TKT: variants seen among roughly 807,000 people sequenced by gnomAD.
TKT encodes epididymis luminal protein 107.
Under a neutral mutation model 63.9 loss-of-function variants are expected in TKT, and 47 were observed. That is an observed-to-expected ratio of 0.74 (90% CI 0.58 to 0.94). The LOEUF is 0.94. TKT is among the 40% of genes least tolerant of loss of function. TKT has a pLI of 0.00. For synonymous variants in TKT, 338 were observed against 334.1 expected, an observed-to-expected ratio of 1.01 and a Z score of -0.13; for missense variants, 721 against 846.2, an observed-to-expected ratio of 0.85 and a Z score of 1.84.
At chr3:53,255,233 G>T (rs1705934482) in intron 1 of TKT, among the ~76,000 whole-genome samples, 1 of 152,336 alleles carries the variant, frequency 6.6e-6, no homozygotes, top group East Asian at 1.9e-4. Context: ...GGAGACAGGG[G>T]TAGGGGAGCG....
At position 53,235,038 on chromosome 3, in the gene TKT, G is replaced by A. The variant is rs782303983; in HGVS notation, c.574C>T (p.Pro192Ser). ...TCCATCTGGTGCTGCAGTGGGGCCG[G>A]GTCACTCTGGCCCAGGCGATTGATG... ...LDINRLGQSD[P>S]APLQHQMDIY... Residue 192 changes from proline (P) to serine (S), a missense_variant, in exon 5 of 14, where the codon CCG (proline) becomes TCG (serine). Pro to Ser is a moderately conservative substitution (Grantham distance 74). Transcript: ENST00000462138. The A allele has an allele frequency of 1.2e-6, 2 of 1,613,948 alleles. No individual in the cohort carries two copies. The highest frequency in any genetic ancestry group is 1.1e-5 in the South Asian group (1 of 91,066).
At chr3:53,255,793 C>G (rs782006933) in intron 1 of TKT, 43 bp downstream of exon 1, 21 of 1,352,872 alleles carry the variant, frequency 1.6e-5, no homozygotes, top group Middle Eastern at 2.6e-4. Context: ...AGACGCCCCC[C>G]GCCCCGCCCG....
rs1704636121 is a variant in TKT at position 53,229,285 on chromosome 3, G to C, written c.1259C>G (p.Ser420Cys). 6.2e-7 allele frequency: 1 copy of C among 1,613,904 alleles called. No homozygotes were observed. The highest frequency in any genetic ancestry group is 8.5e-7 in the Non-Finnish European group (1 of 1,179,990). The change falls in exon 9 of 14, where the codon TCC (serine) becomes TGC (cysteine). Residue 420 changes from serine (S) to cysteine (C), a missense_variant. Ser to Cys is a moderately radical substitution (Grantham distance 112). Coordinates refer to ENST00000462138, the MANE Select transcript of TKT (RefSeq NM_001064.4). The stretch of plus-strand genomic sequence containing the variant: ...AACACCCTGGCTAAACTCACCGATG[G>C]AAACGCCGCAGTGGGAGCCGCAGAG... ...INLCGSHCGVSIGEDGPSQMA... is the reference protein window; with the variant it reads ...INLCGSHCGVCIGEDGPSQMA...
intron 1 of TKT, among the ~76,000 whole-genome samples, chr3:53,243,065 A>T (rs1389794652): frequency 6.6e-6 from 1 of 152,126 alleles, no homozygotes; most frequent in Non-Finnish European, 1.5e-5. Context: ...GCCTATGGAC[A>T]AGGGCTGAGG....
At chr3:53,249,542 C>T (rs1310386610) in intron 1 of TKT, among the ~76,000 whole-genome samples, 1 of 151,934 alleles carries the variant, frequency 6.6e-6, no homozygotes, top group Non-Finnish European at 1.5e-5. Flanking sequence ...AGATCGCCGC[C>T]CCACTGCACT....
intron 1 of TKT, among the ~76,000 whole-genome samples, chr3:53,248,547 T>C (rs553810796): frequency 1.8e-4 from 28 of 152,230 alleles, no homozygotes; most frequent in African/African-American, 6.7e-4. Context: ...GAAGACTGCT[T>C]GATCCCGGGA....
chr3:53,247,218 ATG>A (rs1705551217), intron 1 of TKT, among the ~76,000 whole-genome samples: 1 of 151,500 alleles, frequency 6.6e-6, no homozygotes, highest in Non-Finnish European at 1.5e-5. Context: ...TTAGTTGGGC[ATG>A]GTGGTGGGTG....
chr3:53,228,155 G>A lies in TKT; in HGVS notation c.1480-6C>T, dbSNP rs1553675994. Reference sequence around the variant, plus strand: ...TCCTTGCTCTTCAGGACCACCTGGGGGTGACACAGAGGGTGAGTAAGGCTC... The same window carrying A: ...TCCTTGCTCTTCAGGACCACCTGGGAGTGACACAGAGGGTGAGTAAGGCTC... On this transcript the variant is annotated splice_region_variant and splice_polypyrimidine_tract_variant and intron_variant, in intron 11 of 13. Coordinates refer to ENST00000462138, the MANE Select transcript of TKT (RefSeq NM_001064.4). 2 of 1,614,096 alleles carry A rather than the reference G, an allele frequency of 1.2e-6. No individual in the cohort carries two copies. The highest frequency in any genetic ancestry group is 2.2e-5 in the East Asian group (1 of 44,870).
Position 53,255,958 on chromosome 3 carries a change from GACCGGGCGCACACGCGGAC to G in TKT, c.-35_-17del. ...AGCTCTCCATGGTGCGGCAGGCGGGGACCGGGCGCACACGCGGACACACAGAGATAGCGGCTGCTCCCGC... is the reference window on the plus strand; with the variant it reads ...AGCTCTCCATGGTGCGGCAGGCGGGGACACAGAGATAGCGGCTGCTCCCGC... On this transcript the variant is annotated 5_prime_UTR_variant, in exon 1 of 14. Transcript: ENST00000462138. 6.7e-7 allele frequency: 1 copy of G among 1,497,942 alleles called. No homozygotes were observed. Among genetic ancestry groups the G allele is most frequent in the Admixed American group, 2.1e-5 (1 of 48,690 alleles). The allele number at this position is 1,497,942 out of a possible 1,614,324, so 92.8% of individuals were successfully genotyped here. A position where few individuals can be genotyped will look rare whatever the true frequency, so the allele number is the denominator to read the frequency against.
chr3:53,251,459 C>T (rs868925735), intron 1 of TKT, among the ~76,000 whole-genome samples: 5 of 152,214 alleles, frequency 3.3e-5, no homozygotes, highest in Non-Finnish European at 7.3e-5. Context: ...AAGCTCTAGC[C>T]ACTGTGGGCG....
intron 4 of TKT, among the ~76,000 whole-genome samples, chr3:53,238,709 G>A (rs758132102): frequency 6.6e-6 from 1 of 152,208 alleles, no homozygotes; most frequent in Non-Finnish European, 1.5e-5. Context: ...CTCCTGTGGT[G>A]CCCTCAGCCT....
intron 1 of TKT, among the ~76,000 whole-genome samples, chr3:53,245,061 T>C (rs1289005254): frequency 6.6e-6 from 1 of 151,790 alleles, no homozygotes; most frequent in Non-Finnish European, 1.5e-5. Flanking sequence ...CCCAGCACTT[T>C]GGGAGGTCAA....
chr3:53,245,012 G>A (rs1575571994), intron 1 of TKT, among the ~76,000 whole-genome samples: 1 of 151,968 alleles, frequency 6.6e-6, no homozygotes, highest in Admixed American at 6.6e-5. Flanking sequence ...GTCTCTTAAA[G>A]CCCCCTCCAG....
intron 4 of TKT, among the ~76,000 whole-genome samples, chr3:53,239,819 C>G (rs984357324): frequency 6.6e-6 from 1 of 152,194 alleles, no homozygotes; most frequent in Non-Finnish European, 1.5e-5. Flanking sequence ...CTCCCCTTTA[C>G]CAAGATAAAG....
chr3:53,228,570 G>A (rs1230625912), intron 10 of TKT: 18 of 576,266 alleles, frequency 3.1e-5, no homozygotes, highest in Middle Eastern at 4.9e-4. Context: ...GCCTCAGACC[G>A]AAGGCAACTT....
chr3:53,231,699 G>T, intron 6 of TKT, 149 bp from the exon 7 acceptor site: 1 of 782,630 alleles, frequency 1.3e-6, no homozygotes, highest in Non-Finnish European at 2.0e-6. Context: ...GCCAGGCACG[G>T]GGGCCAGGAA....
At chr3:53,231,941 T>C (rs728910) in intron 6 of TKT, 43,912 of 258,156 alleles carry the variant, frequency 0.17, 3,886 homozygotes, top group Non-Finnish European at 0.19. Flanking sequence ...AAATACTCAG[T>C]TTGTCGACTG....
chr3:53,234,832 G>T, intron 5 of TKT, 151 bp downstream of exon 5: 1 of 762,388 alleles, frequency 1.3e-6, no homozygotes, highest in Non-Finnish European at 2.0e-6. Context: ...AATGCCTAGA[G>T]TTTGAAATTG....
chr3:53,255,813 C>T (rs1230703007), intron 1 of TKT, 23 bp downstream of exon 1: 2 of 1,457,328 alleles, frequency 1.4e-6, no homozygotes, highest in Non-Finnish European at 1.8e-6. Context: ...GAGCCGCGTC[C>T]CCGGCCGGCG....
Sources: gnomAD v4.1 joint callset for allele counts (sites outside exome capture counted in the v4.1 genomes callset) on GRCh38, gnomAD v4.1.1 for gene constraint, MANE v1.5 for transcripts, NCBI Gene and HGNC (gene_info 2026-07-23, HGNC 2026-07-21) for gene names.